The following ZNF831 variants were observed in gnomAD, a reference collection of about 807,000 sequenced individuals.
The protein encoded by ZNF831 is zinc finger protein 831.
Under a neutral mutation model 95.8 loss-of-function variants are expected in ZNF831, and 59 were observed. That is an observed-to-expected ratio of 0.62 (90% CI 0.50 to 0.77). The LOEUF is 0.77. Among genes scored for constraint, ZNF831 ranks in the 30% least tolerant of loss-of-function variants. The pLI is 0.00. For synonymous variants in ZNF831, 961 were observed against 925.5 expected, an observed-to-expected ratio of 1.04 and a Z score of -0.70; for missense variants, 2,205 against 2,164.0, an observed-to-expected ratio of 1.02 and a Z score of -0.38.
At chr20:59,178,799 G>GA (rs1324751547) in intron 1 of ZNF831, among the ~76,000 whole-genome samples, 18 of 152,316 alleles carry the variant, frequency 1.2e-4, no homozygotes, top group African/African-American at 4.1e-4. Flanking sequence ...TGCCATGGGG[G>GA]AGGTGTCAAT....
chr20:59,207,029 C>T lies in ZNF831; in HGVS notation c.4000C>T (p.Pro1334Ser), dbSNP rs1397413367. The T allele has an allele frequency of 6.2e-7, 1 of 1,613,992 alleles. No homozygotes were observed. The highest frequency in any genetic ancestry group is 8.5e-7 in the Non-Finnish European group (1 of 1,180,032). The change falls in exon 4 of 6, where the codon CCT (proline) becomes TCT (serine). Residue 1334 changes from proline (P) to serine (S), a missense_variant. By Grantham distance (74) the Pro-to-Ser change is moderately conservative. Transcript: ENST00000371030. Reference sequence around the variant, plus strand: ...TGAGGGACTGAAGCCATGCAGGACCCCTGGGCAGACCTCTTCAGAAATAGC... The same window carrying T: ...TGAGGGACTGAAGCCATGCAGGACCTCTGGGCAGACCTCTTCAGAAATAGC... Reference protein sequence around the residue: ...ALEGLKPCRTPGQTSSEIAGL... With the variant: ...ALEGLKPCRTSGQTSSEIAGL...
At chr20:59,195,468 G>A (rs746573179) in intron 2 of ZNF831, among the ~76,000 whole-genome samples, 6 of 152,174 alleles carry the variant, frequency 3.9e-5, no homozygotes, top group Non-Finnish European at 7.3e-5. Context: ...CAGGCTGTTC[G>A]GCTTTCCCTA....
intron 4 of ZNF831, among the ~76,000 whole-genome samples, chr20:59,246,541 T>C (rs954059066): frequency 1.3e-5 from 2 of 152,230 alleles, no homozygotes; most frequent in African/African-American, 4.8e-5. Flanking sequence ...TCTTTTTTCC[T>C]TCTCTAATTT....
At chr20:59,220,035 A>G (rs1985975310) in intron 4 of ZNF831, among the ~76,000 whole-genome samples, 1 of 152,138 alleles carries the variant, frequency 6.6e-6, no homozygotes, top group Non-Finnish European at 1.5e-5. Flanking sequence ...GGAGGGAGAG[A>G]AACTCTCATA....
At chr20:59,163,014 GGTGTGTGTGTGTGT>G (rs58451639), upstream of ZNF831, among the ~76,000 whole-genome samples, 12 of 136,452 alleles carry the variant, frequency 8.8e-5, no homozygotes, top group East Asian at 2.1e-4. Context: ...TGTATTCCTA[GGTGTGTGTGTGTGT>G]GTGTGTGTGT....
intron 1 of ZNF831, among the ~76,000 whole-genome samples, chr20:59,175,512 TTCTG>T (rs1333914994): frequency 6.6e-6 from 1 of 152,196 alleles, no homozygotes; most frequent in African/African-American, 2.4e-5. Context: ...GATTCTTTTT[TTCTG>T]TCCTGTCCAT....
At chr20:59,239,595 G>C (rs984968256) in intron 4 of ZNF831, among the ~76,000 whole-genome samples, 2 of 148,932 alleles carry the variant, frequency 1.3e-5, no homozygotes, top group African/African-American at 5.0e-5. Flanking sequence ...TGTCGCCCAG[G>C]CTGGAGTATA....
intron 3 of ZNF831, among the ~76,000 whole-genome samples, chr20:59,201,456 T>C (rs1164164446): frequency 6.6e-6 from 1 of 152,192 alleles, no homozygotes; most frequent in Non-Finnish European, 1.5e-5. Flanking sequence ...GTAGCATCTT[T>C]TAAAAAGCAA....
At chr20:59,235,173 T>C (rs1033064626) in intron 4 of ZNF831, among the ~76,000 whole-genome samples, 1 of 152,094 alleles carries the variant, frequency 6.6e-6, no homozygotes, top group Non-Finnish European at 1.5e-5. Flanking sequence ...GCTGTGGGTG[T>C]TGAGGAGGAA....
At chr20:59,226,802 CTTGT>C (rs983229783) in intron 4 of ZNF831, among the ~76,000 whole-genome samples, 2 of 152,040 alleles carry the variant, frequency 1.3e-5, no homozygotes, top group African/African-American at 4.8e-5. Flanking sequence ...ACCAGAGCCA[CTTGT>C]TTGAGTCATC....
chr20:59,221,229 A>G (rs1414565411), intron 4 of ZNF831, among the ~76,000 whole-genome samples: 2 of 152,192 alleles, frequency 1.3e-5, no homozygotes, highest in African/African-American at 2.4e-5. Context: ...GTGCAGGTCC[A>G]TACTTTCCCC....
At chr20:59,187,578 C>A (rs1468479831) in intron 1 of ZNF831, among the ~76,000 whole-genome samples, 1 of 152,012 alleles carries the variant, frequency 6.6e-6, no homozygotes. Context: ...AATTGAGTAC[C>A]TTTGCTCAAT....
chr20:59,234,051 A>G (rs1435199431), intron 4 of ZNF831, among the ~76,000 whole-genome samples: 2 of 152,194 alleles, frequency 1.3e-5, no homozygotes, highest in African/African-American at 4.8e-5. Flanking sequence ...TAAGAAGAGA[A>G]GTCAGCCAGG....
intron 2 of ZNF831, among the ~76,000 whole-genome samples, chr20:59,147,710 C>G (rs139486614): frequency 6.6e-6 from 1 of 152,318 alleles, no homozygotes; most frequent in Non-Finnish European, 1.5e-5. Flanking sequence ...AGAACATCTT[C>G]CAATATAGTT....
At chr20:59,250,011 C>G (rs1298938778) in intron 4 of ZNF831, among the ~76,000 whole-genome samples, 1 of 152,160 alleles carries the variant, frequency 6.6e-6, no homozygotes, top group Non-Finnish European at 1.5e-5. Context: ...AGTGAGAAGA[C>G]TCCCCACAAC....
chr20:59,230,386 C>T (rs1039842388), intron 4 of ZNF831, among the ~76,000 whole-genome samples: 3 of 151,988 alleles, frequency 2.0e-5, no homozygotes, highest in Non-Finnish European at 4.4e-5. Flanking sequence ...GTAGGAGGAT[C>T]GCTTGAACCC....
At chr20:59,196,178 A>G (rs975958320) in intron 3 of ZNF831, among the ~76,000 whole-genome samples, 173 bp downstream of exon 3, 8 of 152,158 alleles carry the variant, frequency 5.3e-5, no homozygotes, top group African/African-American at 1.9e-4. Context: ...CCGCCTGTGT[A>G]TTTTTTGATG....
At chr20:59,207,466 T>C (rs1410233942) in intron 4 of ZNF831, among the ~76,000 whole-genome samples, 2 of 152,154 alleles carry the variant, frequency 1.3e-5, no homozygotes, top group African/African-American at 4.8e-5. Context: ...TGGATGGGCT[T>C]AAGAGCCCAT....
In ZNF831 at chr20:59,163,972, G is replaced by A. The variant is rs761878875; in HGVS notation, c.-272G>A. ...TCTAAGGCTCAGGGAGCATCTCTCC[G>A]TTCTCTGAGATGCTGCCTGCAGAGT... On this transcript the variant is annotated 5_prime_UTR_variant, in exon 1 of 6. Coordinates refer to ENST00000371030, the MANE Select transcript of ZNF831 (RefSeq NM_178457.3). Among the ~76,000 whole-genome samples, 5 of 152,062 alleles carry A rather than the reference G, an allele frequency of 3.3e-5. No homozygotes were observed. Among genetic ancestry groups the A allele is most frequent in the Admixed American group, 6.5e-5 (1 of 15,270 alleles).
Sources: gnomAD v4.1 joint callset for allele counts (sites outside exome capture counted in the v4.1 genomes callset) on GRCh38, gnomAD v4.1.1 for gene constraint, MANE v1.5 for transcripts, NCBI Gene and HGNC (gene_info 2026-07-23, HGNC 2026-07-21) for gene names.